Variants in PIK3C3 observed in about 807,000 individuals in gnomAD.
PIK3C3 encodes phosphatidylinositol 3-kinase catalytic subunit type 3.
In PIK3C3, 95 loss-of-function variants were observed where a neutral mutation model predicts 126.1. That is an observed-to-expected ratio of 0.75 (90% CI 0.64 to 0.89). The LOEUF (loss-of-function observed/expected upper bound fraction) is 0.89, where lower values mean the gene tolerates loss of function less well. Ranked by LOEUF, PIK3C3 falls within the 40% of genes least tolerant of loss-of-function variation. PIK3C3 has a pLI of 0.00. For missense variants in PIK3C3, 829 were observed against 1,063.2 expected, an observed-to-expected ratio of 0.78 and a Z score of 3.06; for synonymous variants, 374 against 360.0, an observed-to-expected ratio of 1.04 and a Z score of -0.44.
intron 9 of PIK3C3, among the ~76,000 whole-genome samples, chr18:42,000,028 A>T (rs940235179): frequency 6.6e-6 from 1 of 152,192 alleles, no homozygotes; most frequent in African/African-American, 2.4e-5. Flanking sequence ...AAGCAGGAAA[A>T]TGTGTGTTAA....
intron 14 of PIK3C3, among the ~76,000 whole-genome samples, chr18:42,027,981 AAAGAAG>A (rs202238880): frequency 6.6e-6 from 1 of 152,160 alleles, no homozygotes; most frequent in African/African-American, 2.4e-5. Context: ...AAAGAAATCA[AAAGAAG>A]AAGAAGAATT....
chr18:42,030,945 A>G (rs905203950), intron 15 of PIK3C3, among the ~76,000 whole-genome samples: 6 of 152,202 alleles, frequency 3.9e-5, no homozygotes, highest in African/African-American at 1.4e-4. Context: ...CATCACTCAG[A>G]GTCTCCCCAA....
intron 21 of PIK3C3, chr18:42,050,194 C>T (rs917013580): frequency 1.3e-5 from 2 of 152,212 alleles, no homozygotes; most frequent in African/African-American, 4.8e-5. Context: ...GTAGCTTAGT[C>T]TCTTACTGTA....
intron 15 of PIK3C3, among the ~76,000 whole-genome samples, chr18:42,032,656 A>C (rs1983882889): frequency 6.7e-6 from 1 of 149,498 alleles, no homozygotes; most frequent in Non-Finnish European, 1.5e-5. Flanking sequence ...TTATTTATTT[A>C]TTTATTTATT....
chr18:42,081,475 G>A lies in PIK3C3; in HGVS notation c.*338G>A, dbSNP rs553540359. Reference sequence around the variant, plus strand: ...GAAATAGTAAAACATTTTAGTTTTTGAGTTTAAAATGTTATTTTTTCCTCT... The same window carrying A: ...GAAATAGTAAAACATTTTAGTTTTTAAGTTTAAAATGTTATTTTTTCCTCT... On this transcript the variant is annotated 3_prime_UTR_variant, in exon 25 of 25. Coordinates refer to ENST00000262039, the MANE Select transcript of PIK3C3 (RefSeq NM_002647.4). 1 of 246,698 alleles carries A rather than the reference G, an allele frequency of 4.1e-6. No homozygotes were observed. Among genetic ancestry groups the A allele is most frequent in the East Asian group, 6.4e-5 (1 of 15,674 alleles). 15.3% of individuals were successfully genotyped at this position (246,698 alleles called of 1,614,324 possible).
intron 20 of PIK3C3, among the ~76,000 whole-genome samples, chr18:42,045,408 A>C (rs959556587): frequency 6.6e-6 from 1 of 152,062 alleles, no homozygotes; most frequent in Non-Finnish European, 1.5e-5. Context: ...ATCTGAAAAA[A>C]AATTGCATAT....
intron 3 of PIK3C3, among the ~76,000 whole-genome samples, chr18:41,967,187 C>T (rs1980412717): frequency 6.6e-6 from 1 of 152,116 alleles, no homozygotes; most frequent in African/African-American, 2.4e-5. Flanking sequence ...CAGGATGTTC[C>T]TGGTGCTACA....
chr18:42,037,505 T>A (rs1203246890), intron 16 of PIK3C3, among the ~76,000 whole-genome samples, 187 bp from the exon 17 acceptor site: 1 of 152,248 alleles, frequency 6.6e-6, no homozygotes, highest in East Asian at 1.9e-4. Context: ...CGTGTAGTCT[T>A]CTGACTACTA....
In PIK3C3 at chr18:42,082,075, G is replaced by A. The variant is rs546641933; in HGVS notation, c.*938G>A. 6.6e-6 allele frequency: 1 copy of A among 152,144 alleles called. No homozygotes were observed. The highest frequency in any genetic ancestry group is 2.1e-4 in the South Asian group (1 of 4,830). 9.4% of individuals were successfully genotyped at this position (152,144 alleles called of 1,614,324 possible). On this transcript the variant is annotated 3_prime_UTR_variant, in exon 25 of 25. Coordinates refer to ENST00000262039, the MANE Select transcript of PIK3C3 (RefSeq NM_002647.4). ...AAATTTTTTTTGTCTTTTAAGACTA[G>A]AACTAATCCCTCTAGCTTTTTTACT...
At position 41,993,308 on chromosome 18, in the gene PIK3C3, A is replaced by G; in HGVS notation, c.753A>G (p.Glu251=). ...CATCTCCAATTTTAACAAGTTTTGAATTAGTGAAAGTTCCTGACCCCCAGA... is the reference window on the plus strand; with the variant it reads ...CATCTCCAATTTTAACAAGTTTTGAGTTAGTGAAAGTTCCTGACCCCCAGA... ...DESSPILTSF[E]LVKVPDPQMS... is the part of the protein sequence containing the mutation. Residue 251 remains glutamate (E), a synonymous_variant, in exon 7 of 25, where the codon GAA becomes GAG. Transcript: ENST00000262039. 2.5e-6 allele frequency: 4 copies of G among 1,610,068 alleles called. No homozygotes were observed. Among genetic ancestry groups the G allele is most frequent in the Non-Finnish European group, 1.7e-6 (2 of 1,177,136 alleles).
At chr18:42,075,254 A>G (rs1454945439) in intron 24 of PIK3C3, among the ~76,000 whole-genome samples, 1 of 152,192 alleles carries the variant, frequency 6.6e-6, no homozygotes. Context: ...AACAAAACAA[A>G]AAGTATTGAT....
At position 41,990,614 on chromosome 18, in the gene PIK3C3, A is replaced by T. The variant is rs966932856; in HGVS notation, c.714+60A>T. 3 of 876,578 alleles carry T rather than the reference A, an allele frequency of 3.4e-6. No individual in the cohort carries two copies. In the East Asian group the frequency reaches 7.4e-5, roughly 22 times the overall value. 54.3% of individuals were successfully genotyped at this position (876,578 alleles called of 1,614,324 possible). On this transcript the variant is annotated intron_variant, in intron 6 of 24. Coordinates refer to ENST00000262039, the MANE Select transcript of PIK3C3 (RefSeq NM_002647.4). ...TAGAGGGGAGAGGAAACATTAAAAA[A>T]ATATTGTTGTTCCTGCTGGGATGAA... is the stretch of plus-strand genomic sequence containing the variant.
At chr18:42,042,801 T>G (rs1430100436) in intron 19 of PIK3C3, among the ~76,000 whole-genome samples, 1 of 152,254 alleles carries the variant, frequency 6.6e-6, no homozygotes, top group Admixed American at 6.5e-5. Flanking sequence ...GTAACACTTC[T>G]TGTGTTTCTC....
At chr18:42,004,234 C>A in intron 9 of PIK3C3, 122 bp from the exon 10 acceptor site, 2 of 674,318 alleles carry the variant, frequency 3.0e-6, no homozygotes, top group Non-Finnish European at 5.1e-6. Flanking sequence ...TTAGTGCTTA[C>A]ACAAGGAGTC....
chr18:41,969,812 G>A (rs948027923), intron 3 of PIK3C3, among the ~76,000 whole-genome samples: 1 of 152,130 alleles, frequency 6.6e-6, no homozygotes, highest in Non-Finnish European at 1.5e-5. Flanking sequence ...TTTTATAAAA[G>A]AGGAAACCGA....
chr18:41,988,203 G>A (rs1271269366), intron 5 of PIK3C3, among the ~76,000 whole-genome samples: 2 of 152,126 alleles, frequency 1.3e-5, no homozygotes, highest in African/African-American at 4.8e-5. Flanking sequence ...TCATGTTCAA[G>A]TCAGCGTTGG....
At chr18:42,017,321 T>G (rs1215804596) in intron 12 of PIK3C3, among the ~76,000 whole-genome samples, 1 of 152,134 alleles carries the variant, frequency 6.6e-6, no homozygotes, top group Non-Finnish European at 1.5e-5. Flanking sequence ...AGGAGAACAT[T>G]ATACGTGTCT....
At chr18:42,025,807 T>G (rs113732045) in intron 13 of PIK3C3, 10 of 152,314 alleles carry the variant, frequency 6.6e-5, no homozygotes, top group African/African-American at 2.4e-4. Flanking sequence ...ATTTGAAAAT[T>G]ATCAATAATG....
intron 4 of PIK3C3, among the ~76,000 whole-genome samples, chr18:41,974,140 A>C (rs931549250): frequency 2.6e-5 from 4 of 152,198 alleles, no homozygotes; most frequent in African/African-American, 4.8e-5. Context: ...GATAATGGAC[A>C]AGAGGACTGT....
Sources: gnomAD v4.1 joint callset for allele counts (sites outside exome capture counted in the v4.1 genomes callset) on GRCh38, gnomAD v4.1.1 for gene constraint, MANE v1.5 for transcripts, NCBI Gene and HGNC (gene_info 2026-07-23, HGNC 2026-07-21) for gene names.